Variants in CYP51A1 observed in about 807,000 individuals in gnomAD.
CYP51A1 encodes cytochrome P450 family 51 subfamily A member 1, also known as lanosterol 14-alpha demethylase.
In CYP51A1, 45 loss-of-function variants were observed where a neutral mutation model predicts 53.5. The observed-to-expected ratio is 0.84, with a 90% confidence interval of 0.66 to 1.08. The LOEUF (loss-of-function observed/expected upper bound fraction) is 1.08, where lower values mean the gene tolerates loss of function less well. Among genes scored for constraint, CYP51A1 ranks in the 50% least tolerant of loss-of-function variants. The pLI is 0.00. For missense variants in CYP51A1, 462 were observed against 621.7 expected (o/e 0.74, Z 2.73); for synonymous variants, 181 against 217.7 (o/e 0.83, Z 1.48).
intron 8 of CYP51A1, among the ~76,000 whole-genome samples, chr7:92,117,785 C>T (rs1045296011): frequency 2.6e-5 from 4 of 152,106 alleles, no homozygotes; most frequent in South Asian, 2.1e-4. Flanking sequence ...GTCGGGAGTT[C>T]GAGATCAGCC....
In CYP51A1 at chr7:92,134,369, TCCGTC is replaced by T; in HGVS notation, c.-10_-6del. 6.4e-7 allele frequency: 1 copy of T among 1,573,880 alleles called. No individual in the cohort carries two copies. The highest frequency in any genetic ancestry group is 8.7e-7 in the Non-Finnish European group (1 of 1,155,662). On this transcript the variant is annotated 5_prime_UTR_variant, in exon 1 of 10. Transcript: ENST00000003100. Reference sequence around the variant, plus strand: ...CATCCCAGCCGCCGCCGCCATTCACTCCGTCGGAAACACTGAAGGCCGAGGTCGCC... The same window carrying T: ...CATCCCAGCCGCCGCCGCCATTCACTGGAAACACTGAAGGCCGAGGTCGCC...
upstream of CYP51A1, chr7:92,134,626 C>T: frequency 2.2e-6 from 1 of 460,180 alleles, no homozygotes; most frequent in Non-Finnish European, 3.9e-6. Flanking sequence ...AAGCGGGCTG[C>T]GCCTGTGGCA....
chr7:92,131,455 G>C (rs1362763120), intron 2 of CYP51A1, among the ~76,000 whole-genome samples: 2 of 152,190 alleles, frequency 1.3e-5, no homozygotes, highest in Non-Finnish European at 2.9e-5. Flanking sequence ...AAAGAAAAAT[G>C]AGGGTTAATT....
rs1819504662 is a variant in CYP51A1 at position 92,113,364 on chromosome 7, T to TATC, written c.*298_*300dup. On this transcript the variant is annotated 3_prime_UTR_variant, in exon 10 of 10. Coordinates refer to ENST00000003100, the MANE Select transcript of CYP51A1 (RefSeq NM_000786.4). ...GAGCGATGAGTACTCTTAAAATTAC[T>TATC]ATCTGGAAATTATATTATTTAGAAT... is the stretch of plus-strand genomic sequence containing the variant. The TATC allele has an allele frequency of 7.7e-6, 2 of 260,784 alleles. No individual in the cohort carries two copies. The highest frequency in any genetic ancestry group is 1.4e-5 in the Non-Finnish European group (2 of 139,210). The allele number at this position is 260,784 out of a possible 1,614,324, so 16.2% of individuals were successfully genotyped here.
In CYP51A1 at chr7:92,113,454, A is replaced by G. The variant is rs1456236757; in HGVS notation, c.*211T>C. The G allele has an allele frequency of 2.0e-6, 1 of 494,300 alleles. No individual in the cohort carries two copies. Among genetic ancestry groups the G allele is most frequent in the Non-Finnish European group, 3.5e-6 (1 of 284,796 alleles). 30.6% of individuals were successfully genotyped at this position (494,300 alleles called of 1,614,324 possible). ...CAAGGAACTTCCTGAAAGCACATGTATAAGTATCATAACTATTAGAAAATG... is the reference window on the plus strand; with the variant it reads ...CAAGGAACTTCCTGAAAGCACATGTGTAAGTATCATAACTATTAGAAAATG... On this transcript the variant is annotated 3_prime_UTR_variant, in exon 10 of 10. Coordinates refer to ENST00000003100, the MANE Select transcript of CYP51A1 (RefSeq NM_000786.4).
intron 9 of CYP51A1, 88 bp downstream of exon 9, chr7:92,116,956 T>C: frequency 2.2e-6 from 3 of 1,364,404 alleles, no homozygotes; most frequent in South Asian, 1.5e-5. Context: ...AAGGGAGAGA[T>C]AATTTGTAAA....
chr7:92,118,995 T>C (rs531259627), intron 7 of CYP51A1, among the ~76,000 whole-genome samples: 2 of 152,322 alleles, frequency 1.3e-5, no homozygotes, highest in East Asian at 1.9e-4. Flanking sequence ...GTAAGCTTTG[T>C]GGTAGTGTAA....
At chr7:92,126,217 T>C in intron 5 of CYP51A1, 36 bp downstream of exon 5, 2 of 1,454,240 alleles carry the variant, frequency 1.4e-6, no homozygotes, top group Non-Finnish European at 1.8e-6. Flanking sequence ...TTATACAAAG[T>C]TAAATAACCT....
chr7:92,113,463 A>G lies in CYP51A1; in HGVS notation c.*202T>C, dbSNP rs1374359968. The G allele has an allele frequency of 3.8e-6, 2 of 525,212 alleles. No individual in the cohort carries two copies. Among genetic ancestry groups the G allele is most frequent in the Admixed American group, 4.0e-5 (1 of 25,212 alleles). 32.5% of individuals were successfully genotyped at this position (525,212 alleles called of 1,614,324 possible). A position where few individuals can be genotyped will look rare whatever the true frequency, so the allele number is the denominator to read the frequency against. The stretch of plus-strand genomic sequence containing the variant: ...TCCTGAAAGCACATGTATAAGTATC[A>G]TAACTATTAGAAAATGTTTCAAATG... On this transcript the variant is annotated 3_prime_UTR_variant, in exon 10 of 10. Coordinates refer to ENST00000003100, the MANE Select transcript of CYP51A1 (RefSeq NM_000786.4).
At chr7:92,123,936 G>C (rs1464290353) in intron 5 of CYP51A1, 83 bp from the exon 6 acceptor site, 1 of 1,170,366 alleles carries the variant, frequency 8.5e-7, no homozygotes, top group African/African-American at 1.6e-5. Context: ...CCAGGACCGA[G>C]CATAAAGCAT....
At chr7:92,130,577 T>G (rs1819897162) in intron 2 of CYP51A1, among the ~76,000 whole-genome samples, 1 of 152,226 alleles carries the variant, frequency 6.6e-6, no homozygotes, top group Admixed American at 6.5e-5. Flanking sequence ...AGATGATCTT[T>G]GTAAAGCACT....
At position 92,123,719 on chromosome 7, in the gene CYP51A1, C is replaced by G. The variant is rs1251684369; in HGVS notation, c.890+15G>C. The stretch of plus-strand genomic sequence containing the variant: ...TTCCTGCTTCAGCTTAATATGTTAT[C>G]TGAATAGCTCTTACTTGTATGTAGC... On this transcript the variant is annotated intron_variant, in intron 6 of 9. Transcript: ENST00000003100. 6.3e-7 allele frequency: 1 copy of G among 1,585,298 alleles called. No homozygotes were observed. Among genetic ancestry groups the G allele is most frequent in the Non-Finnish European group, 8.5e-7 (1 of 1,171,086 alleles).
Position 92,117,181 on chromosome 7 carries a change from T to A in CYP51A1, c.1214A>T (p.His405Leu). ...TVAGYTIPPG[H>L]QVCVSPTVNQ... Reference sequence around the variant, plus strand: ...GACAGTGGGAGAAACACACACCTGATGTCCTGGAGGAATGGTATACCCTGC... The same window carrying A: ...GACAGTGGGAGAAACACACACCTGAAGTCCTGGAGGAATGGTATACCCTGC... The change falls in exon 9 of 10, where the codon CAT becomes CTT. Residue 405 changes from histidine (H) to leucine (L), a missense_variant. Physicochemically the swap from His to Leu is moderately conservative, Grantham distance 99. Transcript: ENST00000003100. 6.2e-7 allele frequency: 1 copy of A among 1,614,100 alleles called. No homozygotes were observed. Among genetic ancestry groups the A allele is most frequent in the Non-Finnish European group, 8.5e-7 (1 of 1,179,984 alleles).
chr7:92,119,532 G>A (rs1305886541), intron 7 of CYP51A1, among the ~76,000 whole-genome samples: 1 of 152,144 alleles, frequency 6.6e-6, no homozygotes, highest in Non-Finnish European at 1.5e-5. Context: ...TAAGCAAGCA[G>A]AGATTTCAGT....
At chr7:92,123,572 G>C (rs990798423) in intron 6 of CYP51A1, among the ~76,000 whole-genome samples, 162 bp downstream of exon 6, 4 of 152,200 alleles carry the variant, frequency 2.6e-5, no homozygotes, top group African/African-American at 7.2e-5. Context: ...GTAAGACACA[G>C]GATGCCAATA....
In CYP51A1 at chr7:92,128,428, C is replaced by CTGTGTG. The variant is rs1554479142; in HGVS notation, c.468+446_468+451dup. On this transcript the variant is annotated intron_variant, in intron 3 of 9. Transcript: ENST00000003100. ...TATTACATTTTTGTTTGGTTGGTTT[C>CTGTGTG]TGTGTGTGTGTGTGTGTGTGTGTGT... is the stretch of plus-strand genomic sequence containing the variant. Among the ~76,000 whole-genome samples, 606 of 143,124 alleles carry CTGTGTG rather than the reference C, an allele frequency of 4.2e-3. 10 individuals are homozygous for CTGTGTG. The East Asian group carries it at 0.06, about 14-fold the overall frequency. 93.9% of individuals were successfully genotyped at this position (143,124 alleles called of 152,430 possible). A position where few individuals can be genotyped will look rare whatever the true frequency, so the allele number is the denominator to read the frequency against.
chr7:92,120,109 G>A (rs1819660431), intron 7 of CYP51A1, among the ~76,000 whole-genome samples: 1 of 152,120 alleles, frequency 6.6e-6, no homozygotes, highest in South Asian at 2.1e-4. Context: ...ATAAAACATT[G>A]TTGAAAGAAA....
At chr7:92,131,175 G>A (rs1819908786) in intron 2 of CYP51A1, among the ~76,000 whole-genome samples, 1 of 152,204 alleles carries the variant, frequency 6.6e-6, no homozygotes, top group Non-Finnish European at 1.5e-5. Flanking sequence ...TCAAAGAATA[G>A]TTATAATTTA....
chr7:92,118,064 G>A (rs532123010), intron 8 of CYP51A1, among the ~76,000 whole-genome samples: 11 of 151,106 alleles, frequency 7.3e-5, no homozygotes, highest in African/African-American at 2.2e-4. Flanking sequence ...ATATAAAACT[G>A]AAGATTAGGT....
Sources: gnomAD v4.1 joint callset for allele counts (sites outside exome capture counted in the v4.1 genomes callset) on GRCh38, gnomAD v4.1.1 for gene constraint, MANE v1.5 for transcripts, NCBI Gene and HGNC (gene_info 2026-07-23, HGNC 2026-07-21) for gene names.